CPA6: variants seen among roughly 807,000 people sequenced by gnomAD.
The protein encoded by CPA6 is carboxypeptidase B.
A neutral mutation model predicts 63.3 loss-of-function variants in CPA6; 58 were observed. The ratio of observed to expected loss-of-function variants is 0.92; its 90% CI spans 0.74 to 1.14. The LOEUF (loss-of-function observed/expected upper bound fraction) is 1.14. Ranked by LOEUF, CPA6 falls within the 50% of genes most tolerant of loss-of-function variation. The probability of loss-of-function intolerance (pLI) is 0.00; values close to 1 mark genes in which losing one functional copy is unlikely to be tolerated. For synonymous variants in CPA6, 185 were observed against 179.0 expected, an observed-to-expected ratio of 1.03 and a Z score of -0.27; for missense variants, 565 against 526.6, an observed-to-expected ratio of 1.07 and a Z score of -0.71.
At chr8:67,684,031 A>ATATAT (rs1816655007) in intron 1 of CPA6, among the ~76,000 whole-genome samples, 2 of 125,930 alleles carry the variant, frequency 1.6e-5, no homozygotes, top group African/African-American at 2.9e-5. Flanking sequence ...ATATATATAT[A>ATATAT]ATTTTTATTT....
chr8:67,493,709 A>G (rs1811651805), intron 6 of CPA6, among the ~76,000 whole-genome samples: 1 of 152,198 alleles, frequency 6.6e-6, no homozygotes, highest in Non-Finnish European at 1.5e-5. Flanking sequence ...GTGAGGTTTC[A>G]CATTACATAG....
At chr8:67,479,475 C>T (rs117113729) in intron 8 of CPA6, among the ~76,000 whole-genome samples, 2,771 of 152,212 alleles carry the variant, frequency 0.018, 40 homozygotes, top group Non-Finnish European at 0.03. Context: ...TGCCTTTCAT[C>T]CTATGAATCT....
intron 2 of CPA6, among the ~76,000 whole-genome samples, chr8:67,601,267 C>T (rs772246671): frequency 6.6e-6 from 1 of 152,178 alleles, no homozygotes; most frequent in Non-Finnish European, 1.5e-5. Flanking sequence ...CAAACAGCAA[C>T]CCACACATCC....
rs952902963 is a variant in CPA6 at position 67,629,493 on chromosome 8, A to T, written c.117-5242T>A. Among the ~76,000 whole-genome samples, 7 of 151,826 alleles carry T rather than the reference A, an allele frequency of 4.6e-5. No individual in the cohort carries two copies. The South Asian group carries it at 1.2e-3, about 27-fold the overall frequency. On this transcript the variant is annotated intron_variant, in intron 1 of 10. Transcript: ENST00000297770. ...AGACCCTGTCTCAAAAAAAAAAAAA[A>T]AAAATAAGACCCAAAGTACTTCTAA...
chr8:67,701,531 C>T lies in CPA6; in HGVS notation c.116+44483G>A, dbSNP rs115238552. Among the ~76,000 whole-genome samples the T allele has an allele frequency of 1.2e-3, 190 of 152,248 alleles. 1 individual carries two copies. Among genetic ancestry groups the T allele is most frequent in the African/African-American group, 4.4e-3 (183 of 41,546 alleles). ...TAGAGAACAAAAGTACACAACCGTC[C>T]CACATGATGATTTAATGAAAGTGTT... On this transcript the variant is annotated intron_variant, in intron 1 of 10. Transcript: ENST00000297770.
intron 8 of CPA6, among the ~76,000 whole-genome samples, chr8:67,462,088 G>A (rs1563962262): frequency 2.0e-5 from 3 of 151,842 alleles, no homozygotes; most frequent in South Asian, 2.1e-4. Flanking sequence ...ATGCCACACA[G>A]ATTGCTTTCT....
chr8:67,659,400 G>A (rs542113431), intron 1 of CPA6, among the ~76,000 whole-genome samples: 5 of 152,330 alleles, frequency 3.3e-5, no homozygotes, highest in African/African-American at 1.2e-4. Flanking sequence ...CGTAAAGTGG[G>A]AAAGGAATTT....
intron 2 of CPA6, among the ~76,000 whole-genome samples, chr8:67,547,072 A>C (rs1452457725): frequency 2.0e-5 from 3 of 151,768 alleles, no homozygotes; most frequent in Non-Finnish European, 2.9e-5. Context: ...TGTGAGATGG[A>C]GTCTCGCTCT....
chr8:67,644,619 C>T (rs994570522), intron 1 of CPA6, among the ~76,000 whole-genome samples: 6 of 152,148 alleles, frequency 3.9e-5, no homozygotes, highest in African/African-American at 7.2e-5. Context: ...TTCTGTGCAC[C>T]GGAACTTGAA....
intron 1 of CPA6, among the ~76,000 whole-genome samples, chr8:67,680,044 A>C (rs1345126228): frequency 6.6e-6 from 1 of 152,196 alleles, no homozygotes; most frequent in Non-Finnish European, 1.5e-5. Flanking sequence ...CTTTCTGAAG[A>C]TTAGTCTTAA....
intron 4 of CPA6, among the ~76,000 whole-genome samples, chr8:67,510,163 G>A (rs930475474): frequency 6.6e-6 from 1 of 152,136 alleles, no homozygotes; most frequent in African/African-American, 2.4e-5. Context: ...TCCAGTGATA[G>A]TGATACATTT....
intron 1 of CPA6, among the ~76,000 whole-genome samples, chr8:67,727,310 G>A (rs1817615108): frequency 6.6e-6 from 1 of 152,028 alleles, no homozygotes; most frequent in Non-Finnish European, 1.5e-5. Context: ...TATTGTTGGG[G>A]CTCACAGAAT....
At chr8:67,592,346 C>T (rs968658893) in intron 2 of CPA6, among the ~76,000 whole-genome samples, 2 of 152,144 alleles carry the variant, frequency 1.3e-5, no homozygotes, top group Non-Finnish European at 2.9e-5. Context: ...GTCTAAAATT[C>T]TCTTTTTTGG....
chr8:67,651,620 A>G (rs1815839621), intron 1 of CPA6, among the ~76,000 whole-genome samples: 1 of 152,060 alleles, frequency 6.6e-6, no homozygotes, highest in South Asian at 2.1e-4. Context: ...TTGCTGTATA[A>G]TTTTGGTTTC....
rs1452381225 is a variant in CPA6 at position 67,506,802 on chromosome 8, C to T, written c.621G>A (p.Gln207=). Residue 207 remains glutamine, a synonymous_variant, in exon 6 of 11, where the codon CAG becomes CAA. Coordinates refer to ENST00000297770, the MANE Select transcript of CPA6 (RefSeq NM_020361.5). Reference sequence around the variant, plus strand: ...TTTAACTTACTTCTTTTACAAACCACTGACAAAAGGCAGGACCAATCCATT... The same window carrying T: ...TTTAACTTACTTCTTTTACAAACCATTGACAAAAGGCAGGACCAATCCATT... The part of the protein sequence containing the change: ...AREWIGPAFC[Q]WFVKEALLTY... 2 of 1,611,226 alleles carry T rather than the reference C, an allele frequency of 1.2e-6. No homozygotes were observed. Among genetic ancestry groups the T allele is most frequent in the East Asian group, 2.2e-5 (1 of 44,862 alleles).
At chr8:67,447,065 CACACATATAT>C (rs1183257777) in intron 8 of CPA6, among the ~76,000 whole-genome samples, 1 of 143,098 alleles carries the variant, frequency 7.0e-6, no homozygotes, top group Non-Finnish European at 1.5e-5. Context: ...CATATATATA[CACACATATAT>C]ACACATATAT....
chr8:67,730,033 G>T (rs563551595), intron 1 of CPA6, among the ~76,000 whole-genome samples: 1 of 152,280 alleles, frequency 6.6e-6, no homozygotes, highest in African/African-American at 2.4e-5. Flanking sequence ...GGCGGGGGAG[G>T]ATTCCCCCAA....
intron 8 of CPA6, among the ~76,000 whole-genome samples, chr8:67,443,105 C>T: frequency 6.6e-6 from 1 of 151,784 alleles, no homozygotes; most frequent in African/African-American, 2.4e-5. Context: ...CTCTGTCACC[C>T]AGGCTGGAGT....
rs183836074 is a variant in CPA6, at chr8:67,475,200, G to A, written c.838+8568C>T. 2.9e-4 allele frequency among the ~76,000 whole-genome samples: 44 copies of A among 152,352 alleles called. No individual in the cohort carries two copies. The East Asian group carries it at 7.3e-3, about 25-fold the overall frequency. The stretch of plus-strand genomic sequence containing the variant: ...ATTGTTACTTGTAGGAGGCAGCAAA[G>A]AAGAAAGTAAGTTGTCTGGCATTGG... On this transcript the variant is annotated intron_variant, in intron 8 of 10. Transcript: ENST00000297770.
Sources: allele counts gnomAD v4.1 joint callset (sites outside exome capture counted in the v4.1 genomes callset), GRCh38; gene constraint gnomAD v4.1.1; transcripts MANE v1.5; gene names NCBI Gene and HGNC (gene_info 2026-07-23, HGNC 2026-07-21).